The following ARSG variants were observed in gnomAD, a reference collection of about 807,000 sequenced individuals.
ARSG encodes ASG.
In ARSG, 37 loss-of-function variants were observed where a neutral mutation model predicts 50.5. The observed-to-expected ratio is 0.73, with a 90% confidence interval of 0.56 to 0.96. ARSG has a LOEUF of 0.96. ARSG is among the 50% of genes least tolerant of loss of function. The pLI is 0.00. For missense variants in ARSG, 629 were observed against 675.3 expected, an observed-to-expected ratio of 0.93 and a Z score of 0.76; for synonymous variants, 225 against 254.6, an observed-to-expected ratio of 0.88 and a Z score of 1.11.
chr17:68,274,683 A>G (rs1239498609), intron 1 of ARSG: 1 of 152,222 alleles, frequency 6.6e-6, no homozygotes, highest in East Asian at 1.9e-4. Context: ...TATAATAAAA[A>G]TTGGTTTTCC....
chr17:68,290,094 A>G (rs2075935513), upstream of ARSG, among the ~76,000 whole-genome samples: 1 of 152,208 alleles, frequency 6.6e-6, no homozygotes, highest in African/African-American at 2.4e-5. Flanking sequence ...TGCAAAAACA[A>G]TCAGATCACT....
chr17:68,298,962 C>T (rs1377062445), intron 1 of ARSG, among the ~76,000 whole-genome samples: 2 of 152,008 alleles, frequency 1.3e-5, no homozygotes, highest in Non-Finnish European at 2.9e-5. Context: ...TTTATAAAAA[C>T]ATATTTCATT....
intron 4 of ARSG, among the ~76,000 whole-genome samples, chr17:68,349,156 A>G (rs9900954): frequency 0.51 from 77,863 of 151,774 alleles, 20,141 homozygotes; most frequent in Admixed American, 0.57. Context: ...AAATTAGCTC[A>G]GCACAGTGGT....
chr17:68,287,140 T>A (rs1599565571), upstream of ARSG, among the ~76,000 whole-genome samples: 1 of 152,154 alleles, frequency 6.6e-6, no homozygotes, highest in East Asian at 1.9e-4. Flanking sequence ...TGCGCCACCA[T>A]GCCCGGCTAA....
intron 7 of ARSG, among the ~76,000 whole-genome samples, chr17:68,369,780 A>G (rs376960884): frequency 2.6e-5 from 4 of 152,210 alleles, no homozygotes; most frequent in African/African-American, 9.7e-5. Context: ...TAGATGCTCA[A>G]TAAACAGTTG....
In ARSG at chr17:68,309,884, GTAAA is replaced by G. The variant is rs201093664; in HGVS notation, c.218+2182_218+2185del. 1.7e-3 allele frequency among the ~76,000 whole-genome samples: 252 copies of G among 151,398 alleles called. 1 individual carries two copies. Among genetic ancestry groups the G allele is most frequent in the African/African-American group, 5.6e-3 (231 of 41,152 alleles). Reference sequence around the variant, plus strand: ...AAAAAAAAATAAATAAAATAAAAAAGTAAATAAATAAAGAAAGAAAGGGAAATAA... The same window carrying G: ...AAAAAAAAATAAATAAAATAAAAAAGTAAATAAAGAAAGAAAGGGAAATAA... On this transcript the variant is annotated intron_variant, in intron 2 of 11. Transcript: ENST00000621439.
Position 68,420,479 on chromosome 17 carries a change from TC to T in ARSG, c.*18del. ...AGCCGCATAACAGACCAATTTTTAT[TC>T]CACGAGGAGGAGTACCTGGAAATTA... On this transcript the variant is annotated 3_prime_UTR_variant, in exon 12 of 12. Coordinates refer to ENST00000621439, the MANE Select transcript of ARSG (RefSeq NM_001267727.2). 12 of 1,602,926 alleles carry T rather than the reference TC, an allele frequency of 7.5e-6. No homozygotes were observed. Among genetic ancestry groups the T allele is most frequent in the Non-Finnish European group, 1.0e-5 (12 of 1,171,584 alleles).
At chr17:68,341,716 G>A (rs746355635) in intron 2 of ARSG, among the ~76,000 whole-genome samples, 8 of 152,152 alleles carry the variant, frequency 5.3e-5, no homozygotes, top group South Asian at 4.1e-4. Context: ...TCTTGTTTCT[G>A]CATGTTCCTT....
intron 1 of ARSG, among the ~76,000 whole-genome samples, chr17:68,265,822 T>C (rs2075149308): frequency 6.6e-6 from 1 of 152,012 alleles, no homozygotes; most frequent in Non-Finnish European, 1.5e-5. Context: ...TCTTGTGAAA[T>C]TCACATTTCA....
chr17:68,285,829 C>T (rs1167879572), intron 1 of ARSG, among the ~76,000 whole-genome samples: 3 of 151,532 alleles, frequency 2.0e-5, no homozygotes, highest in African/African-American at 4.9e-5. Flanking sequence ...GGCATGATTT[C>T]GGCTCACTGC....
chr17:68,403,459 TG>T (rs2081567083), intron 11 of ARSG, among the ~76,000 whole-genome samples: 1 of 152,240 alleles, frequency 6.6e-6, no homozygotes. Flanking sequence ...CAGTGAAAAC[TG>T]GGAATAGGAT....
chr17:68,433,399 T>C, the ARSG span: 3 of 1,336,518 alleles, frequency 2.2e-6, no homozygotes, highest in Non-Finnish European at 2.1e-6. Context: ...AGATCATTCA[T>C]GCCAGTAGAA....
At chr17:68,380,537 G>C (rs1365850390) in intron 8 of ARSG, among the ~76,000 whole-genome samples, 1 of 152,114 alleles carries the variant, frequency 6.6e-6, no homozygotes, top group Non-Finnish European at 1.5e-5. Context: ...CCAAAGTGGT[G>C]GGATTACAGG....
At chr17:68,450,735 T>G in the ARSG span, 1 of 1,610,500 alleles carries the variant, frequency 6.2e-7, no homozygotes, top group Non-Finnish European at 8.5e-7. Flanking sequence ...TACTTGCCGG[T>G]TCAGCCTTAT....
rs377496827 is a variant in ARSG at position 68,420,385 on chromosome 17, C to T, written c.1500C>T (p.Ser500=). The change falls in exon 12 of 12, where the codon AGC becomes AGT. Residue 500 remains serine (S), a synonymous_variant. Transcript: ENST00000621439. ...ACATTGCCAACGACAACATCTCCAGCGCAGATTACACTCAGGACCCTTCAG... is the reference window on the plus strand; with the variant it reads ...ACATTGCCAACGACAACATCTCCAGTGCAGATTACACTCAGGACCCTTCAG... ...LQDIANDNIS[S]ADYTQDPSVT... 1.4e-4 allele frequency: 230 copies of T among 1,614,026 alleles called. No homozygotes were observed. Among genetic ancestry groups the T allele is most frequent in the Admixed American group, 2.3e-4 (14 of 60,000 alleles).
At chr17:68,395,241 G>A (rs1195684108) in intron 10 of ARSG, 48 bp downstream of exon 10, 3 of 1,605,938 alleles carry the variant, frequency 1.9e-6, no homozygotes, top group Admixed American at 1.7e-5. Context: ...TAGGAGGCTG[G>A]TCTGCTGCCT....
chr17:68,278,491 C>T (rs980782253), intron 1 of ARSG, among the ~76,000 whole-genome samples: 2 of 152,104 alleles, frequency 1.3e-5, no homozygotes, highest in South Asian at 4.1e-4. Flanking sequence ...GCTCTGTCAT[C>T]CAGGCTAGAG....
intron 2 of ARSG, among the ~76,000 whole-genome samples, chr17:68,322,169 A>G (rs565831448): frequency 7.4e-4 from 113 of 152,332 alleles, no homozygotes; most frequent in Non-Finnish European, 1.5e-3. Flanking sequence ...GTTTTTTCCA[A>G]TCAAACCACC....
intron 3 of ARSG, chr17:68,346,897 C>A (rs1023989473): frequency 6.8e-7 from 1 of 1,464,774 alleles, no homozygotes; most frequent in African/African-American, 1.4e-5. Context: ...CTTCCCCTTT[C>A]ACTGTGGTTT....
Sources: allele counts gnomAD v4.1 joint callset (sites outside exome capture counted in the v4.1 genomes callset), GRCh38; gene constraint gnomAD v4.1.1; transcripts MANE v1.5; gene names NCBI Gene and HGNC (gene_info 2026-07-23, HGNC 2026-07-21).